SGCD: variants seen among roughly 807,000 people sequenced by gnomAD.
The protein encoded by SGCD is delta-sarcoglycan.
SGCD carries 18 observed loss-of-function variants against 36.6 expected under a neutral mutation model. That is an observed-to-expected ratio of 0.49 (90% CI 0.34 to 0.73). The LOEUF is 0.73. SGCD is among the 30% of genes least tolerant of loss of function. SGCD has a pLI of 0.01. For missense variants in SGCD, 387 were observed against 346.7 expected, an observed-to-expected ratio of 1.12 and a Z score of -0.92; for synonymous variants, 133 against 130.6, an observed-to-expected ratio of 1.02 and a Z score of -0.12.
intron 4 of SGCD, among the ~76,000 whole-genome samples, chr5:156,575,633 G>A (rs1205168730): frequency 1.3e-5 from 2 of 152,140 alleles, no homozygotes; most frequent in African/African-American, 4.8e-5. Flanking sequence ...GGATAGCTAC[G>A]AAGCCCTTTC....
At chr5:156,060,171 A>G (rs1432303164) in intron 1 of SGCD, among the ~76,000 whole-genome samples, 1 of 146,636 alleles carries the variant, frequency 6.8e-6, no homozygotes, top group East Asian at 1.9e-4. Flanking sequence ...TACTTCATTA[A>G]CATCCTGTCC....
At chr5:156,374,147 TACAA>T (rs1417831594) in intron 3 of SGCD, among the ~76,000 whole-genome samples, 1 of 101,702 alleles carries the variant, frequency 9.8e-6, no homozygotes, top group Non-Finnish European at 2.0e-5. Flanking sequence ...ATGTTCAAAA[TACAA>T]AAAAAAAAAA....
intron 3 of SGCD, among the ~76,000 whole-genome samples, chr5:156,265,657 AATTAT>A (rs1232927087): frequency 6.6e-6 from 1 of 151,046 alleles, no homozygotes; most frequent in East Asian, 1.9e-4. Context: ...ATACTGATAT[AATTAT>A]ATTATATTGC....
intron 1 of SGCD, among the ~76,000 whole-genome samples, chr5:155,948,893 G>T (rs1230899843): frequency 6.6e-6 from 1 of 152,134 alleles, no homozygotes; most frequent in African/African-American, 2.4e-5. Flanking sequence ...AGATTTGGCT[G>T]AACTAATTAG....
chr5:155,954,921 G>A (rs1051671258), intron 1 of SGCD, among the ~76,000 whole-genome samples: 2 of 152,140 alleles, frequency 1.3e-5, no homozygotes, highest in African/African-American at 4.8e-5. Flanking sequence ...AGCCAATGGT[G>A]CAAGTTGCAG....
At chr5:156,725,447 G>T (rs1284141467) in intron 7 of SGCD, among the ~76,000 whole-genome samples, 2 of 152,184 alleles carry the variant, frequency 1.3e-5, no homozygotes, top group African/African-American at 2.4e-5. Context: ...GACTACTTCA[G>T]CCAGCTTATG....
intron 1 of SGCD, among the ~76,000 whole-genome samples, chr5:156,082,720 A>T (rs534804308): frequency 2.6e-5 from 4 of 152,368 alleles, no homozygotes; most frequent in African/African-American, 9.6e-5. Context: ...GATAAATAAG[A>T]TAAATCTTTA....
chr5:156,279,591 A>G (rs1171992144), intron 3 of SGCD, among the ~76,000 whole-genome samples: 4 of 152,208 alleles, frequency 2.6e-5, no homozygotes, highest in African/African-American at 7.2e-5. Flanking sequence ...AAAATTTCTC[A>G]TAACCACCAG....
At chr5:155,873,208 A>G (rs1204601234) in intron 1 of SGCD, among the ~76,000 whole-genome samples, 1 of 152,142 alleles carries the variant, frequency 6.6e-6, no homozygotes, top group Non-Finnish European at 1.5e-5. Context: ...CCATTCCAGC[A>G]TGACTTTAGT....
intron 2 of SGCD, among the ~76,000 whole-genome samples, chr5:156,340,627 G>T (rs192717092): frequency 7.3e-4 from 111 of 152,336 alleles, no homozygotes; most frequent in Middle Eastern, 3.4e-3. Context: ...AGGGTTTAGC[G>T]AGTTGCAGTT....
intron 1 of SGCD, among the ~76,000 whole-genome samples, chr5:155,906,696 C>T (rs1756518575): frequency 6.6e-6 from 1 of 152,068 alleles, no homozygotes; most frequent in Non-Finnish European, 1.5e-5. Context: ...AAGGAAGCTG[C>T]AGAAGAAAAG....
intron 1 of SGCD, among the ~76,000 whole-genome samples, chr5:156,009,378 T>C (rs537170680): frequency 6.6e-6 from 1 of 152,292 alleles, no homozygotes; most frequent in Admixed American, 6.5e-5. Flanking sequence ...CTCTACCATA[T>C]ACATACCTAC....
chr5:156,590,321 A>T (rs2113373112), intron 5 of SGCD, among the ~76,000 whole-genome samples: 1 of 152,244 alleles, frequency 6.6e-6, no homozygotes, highest in East Asian at 1.9e-4. Flanking sequence ...GGAGTGCTGC[A>T]TGTAGATGTC....
chr5:156,477,514 T>G (rs1755233951), intron 3 of SGCD, among the ~76,000 whole-genome samples: 1 of 152,200 alleles, frequency 6.6e-6, no homozygotes, highest in Admixed American at 6.5e-5. Flanking sequence ...AAGTATTCCT[T>G]GGCTAAGTAC....
At chr5:156,450,077 C>A (rs17053564) in intron 3 of SGCD, among the ~76,000 whole-genome samples, 2 of 151,832 alleles carry the variant, frequency 1.3e-5, no homozygotes, top group African/African-American at 4.8e-5. Context: ...CTTTTGTAAC[C>A]CTTCAAACCC....
At chr5:156,721,212 G>A (rs1245923954) in intron 7 of SGCD, among the ~76,000 whole-genome samples, 1 of 152,178 alleles carries the variant, frequency 6.6e-6, no homozygotes, top group Non-Finnish European at 1.5e-5. Flanking sequence ...TACAAGTATG[G>A]AGTTCAAGGC....
At chr5:155,908,743 G>A (rs767140167) in intron 1 of SGCD, among the ~76,000 whole-genome samples, 10 of 152,004 alleles carry the variant, frequency 6.6e-5, no homozygotes, top group African/African-American at 1.4e-4. Context: ...ATTAGATGAC[G>A]TCACTTTGGT....
At chr5:156,691,640 T>C (rs281055) in intron 7 of SGCD, among the ~76,000 whole-genome samples, 139,574 of 152,284 alleles carry the variant, frequency 0.92, 64,143 homozygotes, top group East Asian at 0.99. Flanking sequence ...TTTCATGTCA[T>C]GAAGTATTCT....
intron 4 of SGCD, among the ~76,000 whole-genome samples, chr5:156,587,074 T>C (rs1760526127): frequency 6.6e-6 from 1 of 152,198 alleles, no homozygotes; most frequent in Admixed American, 6.5e-5. Flanking sequence ...AAAGCCTAAA[T>C]TGTTTGCCTC....
Sources: allele counts gnomAD v4.1 joint callset (sites outside exome capture counted in the v4.1 genomes callset), GRCh38; gene constraint gnomAD v4.1.1; transcripts MANE v1.5; gene names NCBI Gene and HGNC (gene_info 2026-07-23, HGNC 2026-07-21).